Variants in SYCP2 observed in about 807,000 individuals in gnomAD.
SYCP2 encodes synaptonemal complex lateral element protein.
Under a neutral mutation model 211.3 loss-of-function variants are expected in SYCP2, and 55 were observed. The observed-to-expected ratio is 0.26, with a 90% CI of 0.21 to 0.33. The LOEUF is 0.33. SYCP2 is among the 10% of genes least tolerant of loss of function. The pLI, the probability that SYCP2 is intolerant of heterozygous loss-of-function variation, is 1.00. For synonymous variants in SYCP2, 570 were observed against 555.2 expected (o/e 1.03, Z -0.37); for missense variants, 1,731 against 1,752.0 (o/e 0.99, Z 0.21).
chr20:59,902,825 T>C (rs1185099521), intron 15 of SYCP2, among the ~76,000 whole-genome samples: 2 of 152,174 alleles, frequency 1.3e-5, no homozygotes, highest in African/African-American at 4.8e-5. Context: ...CTAGTAGTTT[T>C]TTAAAAGTTA....
chr20:59,902,207 C>T (rs2060128266), intron 15 of SYCP2, among the ~76,000 whole-genome samples: 1 of 152,014 alleles, frequency 6.6e-6, no homozygotes, highest in African/African-American at 2.4e-5. Context: ...CACATATAAA[C>T]ATTTCTATTA....
At chr20:59,867,381 C>T (rs1331503371) in intron 39 of SYCP2, among the ~76,000 whole-genome samples, 2 of 150,520 alleles carry the variant, frequency 1.3e-5, no homozygotes, top group Non-Finnish European at 3.0e-5. Context: ...TTATACTACA[C>T]TATACTATCT....
chr20:59,886,638 C>G, intron 25 of SYCP2, 69 bp downstream of exon 25: 4 of 1,181,646 alleles, frequency 3.4e-6, no homozygotes. Context: ...TAAAATTAAC[C>G]TTTTTAAAAT....
rs1331150612 is a variant in SYCP2, at chr20:59,877,998, C to A, written c.2979+10G>T. 1 of 1,596,658 alleles carries A rather than the reference C, an allele frequency of 6.3e-7. No individual in the cohort carries two copies. Among genetic ancestry groups the A allele is most frequent in the Non-Finnish European group, 8.5e-7 (1 of 1,169,910 alleles). On this transcript the variant is annotated intron_variant, in intron 32 of 44. Coordinates refer to ENST00000357552, the MANE Select transcript of SYCP2 (RefSeq NM_014258.4). ...TAAAGGGATGTTTGAACACAAACTTCTTGGCTTACCATTTTAGAGCTTGGC... is the reference window on the plus strand; with the variant it reads ...TAAAGGGATGTTTGAACACAAACTTATTGGCTTACCATTTTAGAGCTTGGC...
chr20:59,881,575 T>C (rs2059681837), intron 28 of SYCP2, 83 bp from the exon 29 acceptor site: 6 of 689,868 alleles, frequency 8.7e-6, no homozygotes, highest in African/African-American at 1.9e-5. Flanking sequence ...AATCTAGTTT[T>C]GCTTCACAAA....
At chr20:59,909,433 T>C (rs2060274443) in intron 14 of SYCP2, among the ~76,000 whole-genome samples, 1 of 152,200 alleles carries the variant, frequency 6.6e-6, no homozygotes, top group Admixed American at 6.5e-5. Context: ...CCCACAATTA[T>C]TTCTCACCTG....
Position 59,892,019 on chromosome 20 carries a change from T to G in SYCP2, c.2335A>C (p.Asn779His), listed in dbSNP as rs1314764435. 6.3e-7 allele frequency: 1 copy of G among 1,595,922 alleles called. No individual in the cohort carries two copies. Among genetic ancestry groups the G allele is most frequent in the Non-Finnish European group, 8.5e-7 (1 of 1,174,208 alleles). Residue 779 changes from asparagine to histidine, a missense_variant, in exon 24 of 45, where the codon AAT becomes CAT. Asn to His is a moderately conservative substitution (Grantham distance 68). Around this residue, in one of 3 missense-constraint regions of SYCP2, gnomAD observed 1,387 missense variants for 1,351.3 expected, o/e 1.03. Coordinates refer to ENST00000357552, the MANE Select transcript of SYCP2 (RefSeq NM_014258.4). ...TTTTTTTGTTTCGAATCCCAGGAAT[T>G]AAGCTCAGAAGTCAATTCTTTCTCT... ...KAEKELTSEL[N>H]SWDSKQKKMR...
intron 1 of SYCP2, among the ~76,000 whole-genome samples, chr20:59,932,442 G>A (rs891133754): frequency 6.6e-6 from 1 of 152,256 alleles, no homozygotes; most frequent in African/African-American, 2.4e-5. Context: ...TTGGGAAGCC[G>A]AGGCAGGTGG....
intron 15 of SYCP2, among the ~76,000 whole-genome samples, chr20:59,903,080 G>A (rs1392752999): frequency 1.3e-5 from 2 of 151,990 alleles, no homozygotes; most frequent in East Asian, 3.9e-4. Flanking sequence ...TTATTTTGCT[G>A]AATGCTTTGT....
intron 33 of SYCP2, among the ~76,000 whole-genome samples, chr20:59,876,369 C>CAA (rs765782164): frequency 0.015 from 357 of 23,082 alleles, 93 homozygotes; most frequent in Middle Eastern, 0.025. Flanking sequence ...GGCTGTGTCT[C>CAA]AAAAAAAAAA....
intron 9 of SYCP2, 85 bp downstream of exon 9, chr20:59,915,377 CATT>C: frequency 9.5e-7 from 1 of 1,048,894 alleles, no homozygotes; most frequent in Non-Finnish European, 1.4e-6. Flanking sequence ...TTATCAGTTT[CATT>C]ATTAATGCAA....
chr20:59,898,165 C>T (rs947638270), intron 18 of SYCP2, among the ~76,000 whole-genome samples: 1 of 152,028 alleles, frequency 6.6e-6, no homozygotes, highest in African/African-American at 2.4e-5. Flanking sequence ...TGTGGTGATT[C>T]CTCAAGGATC....
At position 59,911,452 on chromosome 20, in the gene SYCP2, T is replaced by G. The variant is rs999002662; in HGVS notation, c.972+298A>C. 5.3e-5 allele frequency among the ~76,000 whole-genome samples: 8 copies of G among 152,322 alleles called. No homozygotes were observed. In the East Asian group the frequency reaches 1.5e-3, roughly 29 times the overall value. On this transcript the variant is annotated intron_variant, in intron 14 of 44. Coordinates refer to ENST00000357552, the MANE Select transcript of SYCP2 (RefSeq NM_014258.4). ...TTCCCTTTTCTAAAGTCAATTCACT[T>G]TGTTTATGTGAATACAAAATTTTAA... is the stretch of plus-strand genomic sequence containing the variant.
At chr20:59,925,477 C>T (rs545108866) in intron 2 of SYCP2, among the ~76,000 whole-genome samples, 1 of 152,154 alleles carries the variant, frequency 6.6e-6, no homozygotes, top group South Asian at 2.1e-4. Flanking sequence ...GTATTTTTCT[C>T]TTGTACATTA....
chr20:59,919,185 G>T lies in SYCP2; in HGVS notation c.403-3C>A. The T allele has an allele frequency of 1.6e-6, 2 of 1,219,936 alleles. No homozygotes were observed. The highest frequency in any genetic ancestry group is 2.4e-6 in the Non-Finnish European group (2 of 847,320). 75.6% of individuals were successfully genotyped at this position (1,219,936 alleles called of 1,614,324 possible). ...TCATCACTGACATCATGTATGACCTGAAAAAAAGTGAATAATATTTAATTT... is the reference window on the plus strand; with the variant it reads ...TCATCACTGACATCATGTATGACCTTAAAAAAAGTGAATAATATTTAATTT... On this transcript the variant is annotated splice_region_variant and splice_polypyrimidine_tract_variant and intron_variant, in intron 6 of 44. Transcript: ENST00000357552.
intron 2 of SYCP2, among the ~76,000 whole-genome samples, chr20:59,925,808 T>G (rs1309961545): frequency 1.3e-5 from 2 of 152,130 alleles, no homozygotes; most frequent in East Asian, 1.9e-4. Context: ...GTACTATAAT[T>G]TATTATCAAT....
chr20:59,921,521 A>C, intron 3 of SYCP2, 68 bp from the exon 4 acceptor site: 1 of 1,190,988 alleles, frequency 8.4e-7, no homozygotes, highest in Non-Finnish European at 1.1e-6. Flanking sequence ...GCAATCTAGT[A>C]ATTTGAGAAC....
In SYCP2 at chr20:59,868,561, G is replaced by T. The variant is rs781012326; in HGVS notation, c.3840C>A (p.Thr1280=). The T allele has an allele frequency of 4.4e-6, 7 of 1,597,872 alleles. No individual in the cohort carries two copies. In the Admixed American group the frequency reaches 7.1e-5, roughly 16 times the overall value. Residue 1280 remains threonine, a synonymous_variant, in exon 38 of 45, where the codon ACC becomes ACA. Transcript: ENST00000357552. ...PCDATHVSGP[T]QHLSRKRIYI... ...ATATTCTTTTGCGACTAAGATGTTG[G>T]GTGGGGCCTTAGGAACAGTTAAAGA...
chr20:59,885,639 TAC>T (rs555963029), intron 26 of SYCP2, among the ~76,000 whole-genome samples: 56 of 151,048 alleles, frequency 3.7e-4, no homozygotes, highest in East Asian at 1.7e-3. Context: ...ATTAAAAAAA[TAC>T]ACACACACAC....
Sources: gnomAD v4.1 joint callset for allele counts (sites outside exome capture counted in the v4.1 genomes callset) on GRCh38, gnomAD v4.1.1 for gene constraint, gnomAD v4.1.1 regional missense constraint, MANE v1.5 for transcripts, NCBI Gene and HGNC (gene_info 2026-07-23, HGNC 2026-07-21) for gene names.